The following SOD2 variants were observed in gnomAD, a reference collection of about 807,000 sequenced individuals.
SOD2 encodes superoxide dismutase [Mn], mitochondrial.
SOD2 carries 11 observed loss-of-function variants against 27.0 expected under a neutral mutation model. The observed-to-expected ratio is 0.41, with a 90% CI of 0.26 to 0.67. SOD2 has a LOEUF of 0.67. Among genes scored for constraint, SOD2 ranks in the 30% least tolerant of loss-of-function variants. The pLI, the probability that SOD2 is intolerant of heterozygous loss-of-function variation, is 0.34. For missense variants in SOD2, 250 were observed against 274.5 expected, an observed-to-expected ratio of 0.91 and a Z score of 0.63; for synonymous variants, 105 against 103.0, an observed-to-expected ratio of 1.02 and a Z score of -0.12.
At chr6:159,736,406 T>C (rs1778919877) in intron 1 of SOD2, 1 of 875,224 alleles carries the variant, frequency 1.1e-6, no homozygotes, top group Admixed American at 2.3e-5. Flanking sequence ...TTGCTTATTT[T>C]TCATTTCTTT....
intron 1 of SOD2, chr6:159,755,484 A>G (rs1485308418): frequency 1.2e-6 from 2 of 1,614,150 alleles, no homozygotes; most frequent in Non-Finnish European, 1.7e-6. Context: ...CAATCAAATG[A>G]CACAGACTCC....
At position 159,680,125 on chromosome 6, in the gene SOD2, A is replaced by C. The variant is rs995971775; in HGVS notation, c.*2368T>G. ...GAAATTTCAACATTGAACATTTTTT[A>C]AATCTTAAAGCTTAGTAGGAATCAA... On this transcript the variant is annotated 3_prime_UTR_variant, in exon 5 of 5. Transcript: ENST00000538183. 4 of 152,238 alleles carry C rather than the reference A, an allele frequency of 2.6e-5. No homozygotes were observed. The highest frequency in any genetic ancestry group is 5.9e-5 in the Non-Finnish European group (4 of 68,040). The allele number at this position is 152,238 out of a possible 1,614,324, so 9.4% of individuals were successfully genotyped here. A position where few individuals can be genotyped will look rare whatever the true frequency, so the allele number is the denominator to read the frequency against.
chr6:159,711,031 C>CCCACA (rs1777738698), intron 1 of SOD2, among the ~76,000 whole-genome samples: 1 of 73,594 alleles, frequency 1.4e-5, no homozygotes, highest in Non-Finnish European at 3.0e-5. Context: ...ATAACCACCA[C>CCCACA]TCAACAGCTC....
intron 1 of SOD2, among the ~76,000 whole-genome samples, chr6:159,699,940 C>G (rs1777495013): frequency 6.6e-6 from 1 of 152,194 alleles, no homozygotes; most frequent in Non-Finnish European, 1.5e-5. Context: ...TTCTGGGAAC[C>G]TATGTCCCAT....
At chr6:159,736,460 A>T in intron 1 of SOD2, 1 of 558,250 alleles carries the variant, frequency 1.8e-6, no homozygotes, top group Non-Finnish European at 3.2e-6. Context: ...AGTGTGCCAG[A>T]TATTGTATCT....
intron 1 of SOD2, among the ~76,000 whole-genome samples, chr6:159,759,926 G>C (rs910050311): frequency 4.6e-5 from 7 of 152,200 alleles, no homozygotes; most frequent in African/African-American, 1.4e-4. Flanking sequence ...AAATGTGCTA[G>C]GCACTGGCCA....
chr6:159,718,119 A>G (rs1166931579), intron 1 of SOD2, among the ~76,000 whole-genome samples: 1 of 152,000 alleles, frequency 6.6e-6, no homozygotes, highest in Non-Finnish European at 1.5e-5. Flanking sequence ...CAGCCTCCCA[A>G]GTAGCTGGGA....
rs1779687127 is a variant in SOD2, at chr6:159,672,479, ATC to A, written c.*10012_*10013del. 6.6e-6 allele frequency: 1 copy of A among 152,204 alleles called. No individual in the cohort carries two copies. The highest frequency in any genetic ancestry group is 2.4e-5 in the African/African-American group (1 of 41,446). 9.4% of individuals were successfully genotyped at this position (152,204 alleles called of 1,614,324 possible). On this transcript the variant is annotated 3_prime_UTR_variant, in exon 5 of 5. Coordinates refer to ENST00000538183, the MANE Select transcript of SOD2 (RefSeq NM_000636.4). The stretch of plus-strand genomic sequence containing the variant: ...AAGAATTTTCAACCCAGAATTTCAT[ATC>A]CAGCCAAACTAAGCTTCATAAGTGA...
chr6:159,734,921 G>A (rs1266493201), intron 1 of SOD2, among the ~76,000 whole-genome samples: 1 of 151,656 alleles, frequency 6.6e-6, no homozygotes, highest in Non-Finnish European at 1.5e-5. Flanking sequence ...TTTTTTGTGT[G>A]TGGATTTGTA....
chr6:159,707,098 C>A (rs909331247), intron 1 of SOD2, among the ~76,000 whole-genome samples: 2 of 152,022 alleles, frequency 1.3e-5, no homozygotes, highest in African/African-American at 2.4e-5. Flanking sequence ...ATACCAGAAT[C>A]TCTGGGACAC....
chr6:159,687,885 C>G (rs1303581517), intron 3 of SOD2, among the ~76,000 whole-genome samples: 1 of 152,070 alleles, frequency 6.6e-6, no homozygotes, highest in Admixed American at 6.6e-5. Context: ...GTGGCGGGCG[C>G]CTGTAATCCC....
chr6:159,726,886 T>TCGCCGCCCACGGCC (rs1778194710), intron 1 of SOD2: 1 of 1,289,180 alleles, frequency 7.8e-7, no homozygotes, highest in Non-Finnish European at 1.0e-6. Context: ...CGCCCGCGGC[T>TCGCCGCCCACGGCC]CGCCGCCCAC....
upstream of SOD2, among the ~76,000 whole-genome samples, chr6:159,729,208 T>G (rs1361131452): frequency 2.6e-5 from 4 of 152,260 alleles, no homozygotes; most frequent in African/African-American, 4.8e-5. Context: ...TTAGCAGTTT[T>G]GATCATTATG....
Position 159,727,098 on chromosome 6 carries a change from G to C in SOD2, c.-116+31C>G, listed in dbSNP as rs935028945. On this transcript the variant is annotated intron_variant, in intron 1 of 2. Transcript: ENST00000401980. ...CTGGGGCTGACCTCCGACCTCGCTGGCCCGCCCCTCCCCTCGGCCGCTTCC... is the reference window on the plus strand; with the variant it reads ...CTGGGGCTGACCTCCGACCTCGCTGCCCCGCCCCTCCCCTCGGCCGCTTCC... The C allele has an allele frequency of 6.7e-6, 8 of 1,194,226 alleles. No individual in the cohort carries two copies. The African/African-American group carries it at 1.1e-4, about 17-fold the overall frequency. 74.0% of individuals were successfully genotyped at this position (1,194,226 alleles called of 1,614,324 possible).
At position 159,753,309 on chromosome 6, in the gene SOD2, A is replaced by T. The variant is rs116935992; in HGVS notation, c.-335-4633T>A. ...CAAAATACTGAAATGCAGAAGATGG[A>T]TGTGTCCCAGAAAAGAAGATGGTAA... On this transcript the variant is annotated intron_variant, in intron 1 of 7. Coordinates refer to the SOD2 transcript ENST00000546087. 180 of 1,122,552 alleles carry T rather than the reference A, an allele frequency of 1.6e-4. 3 individuals carry two copies. The East Asian group carries it at 3.8e-3, about 23-fold the overall frequency. 69.5% of individuals were successfully genotyped at this position (1,122,552 alleles called of 1,614,324 possible).
At position 159,688,211 on chromosome 6, in the gene SOD2, A is replaced by G. The variant is rs1461162884; in HGVS notation, c.258T>C (p.Pro86=). 1 of 1,612,390 alleles carries G rather than the reference A, an allele frequency of 6.2e-7. No individual in the cohort carries two copies. The highest frequency in any genetic ancestry group is 8.5e-7 in the Non-Finnish European group (1 of 1,178,396). The change falls in exon 3 of 5, where the codon CCT becomes CCC. Residue 86 remains proline (P), a synonymous_variant. Transcript: ENST00000538183. The part of the protein sequence containing the change: ...GDVTAQIALQ[P]ALKFNGGGHI... Reference sequence around the variant, plus strand: ...GACCACCACCATTGAACTTCAGTGCAGGCTGAAGAGCTATCTGGGCTGTAA... The same window carrying G: ...GACCACCACCATTGAACTTCAGTGCGGGCTGAAGAGCTATCTGGGCTGTAA...
At chr6:159,748,142 T>G (rs376294382), upstream of SOD2, 17 of 1,555,818 alleles carry the variant, frequency 1.1e-5, no homozygotes, top group Admixed American at 1.8e-5. This position sits in a 1 kb window ranked among gnomAD's most constrained non-coding sequence, Gnocchi z 5.6. Context: ...CACCTTCTTA[T>G]GTATGTTTCC....
At chr6:159,685,397 C>G (rs1370811992) in intron 3 of SOD2, among the ~76,000 whole-genome samples, 4 of 152,018 alleles carry the variant, frequency 2.6e-5, no homozygotes, top group South Asian at 2.1e-4. Context: ...CACGTGCCAT[C>G]ACGCCCGGCT....
chr6:159,675,188 A>G lies in SOD2; in HGVS notation c.*7305T>C. The G allele has an allele frequency of 6.6e-6, 1 of 152,240 alleles. No individual in the cohort carries two copies. The highest frequency in any genetic ancestry group is 1.5e-5 in the Non-Finnish European group (1 of 68,054). 9.4% of individuals were successfully genotyped at this position (152,240 alleles called of 1,614,324 possible). ...CTATACTGCCCAAGGTAATTTATAG[A>G]TTCAATGCCATCCCCATCAAGCTAC... On this transcript the variant is annotated 3_prime_UTR_variant, in exon 5 of 5. Coordinates refer to ENST00000538183, the MANE Select transcript of SOD2 (RefSeq NM_000636.4).
Sources: allele counts gnomAD v4.1 joint callset (sites outside exome capture counted in the v4.1 genomes callset), GRCh38; gene constraint gnomAD v4.1.1; non-coding constraint Gnocchi (gnomAD v3.1); transcripts MANE v1.5; gene names NCBI Gene and HGNC (gene_info 2026-07-23, HGNC 2026-07-21).